The following MAML3 variants were observed in gnomAD, a reference collection of about 807,000 sequenced individuals.
MAML3 encodes mastermind-like protein 3.
MAML3 carries 27 observed loss-of-function variants against 101.9 expected under a neutral mutation model. The observed-to-expected ratio is 0.27, with a 90% CI of 0.20 to 0.37. The LOEUF is 0.37. MAML3 is among the 10% of genes least tolerant of loss of function. The probability of loss-of-function intolerance (pLI) is 1.00; values close to 1 mark genes in which losing one functional copy is unlikely to be tolerated. For missense variants in MAML3, 1,316 were observed against 1,444.9 expected (o/e 0.91, Z 1.45); for synonymous variants, 501 against 555.9 (o/e 0.90, Z 1.39).
chr4:140,145,856 C>T (rs1729051574), intron 1 of MAML3, among the ~76,000 whole-genome samples: 2 of 126,418 alleles, frequency 1.6e-5, no homozygotes, highest in South Asian at 5.4e-4. Flanking sequence ...AGCCACTGCG[C>T]CTGGCCTTTT....
chr4:139,936,743 T>C (rs559241731), intron 1 of MAML3, among the ~76,000 whole-genome samples: 7 of 152,232 alleles, frequency 4.6e-5, no homozygotes, highest in Admixed American at 2.0e-4. Context: ...ATACCTGAGA[T>C]ATCTTTGTTT....
intron 1 of MAML3, among the ~76,000 whole-genome samples, chr4:139,917,727 G>A (rs966873458): frequency 6.6e-6 from 1 of 152,198 alleles, no homozygotes; most frequent in African/African-American, 2.4e-5. Context: ...AGGCTAATGA[G>A]CTTCCTGTCC....
At chr4:139,752,238 G>A (rs10049940) in intron 2 of MAML3, among the ~76,000 whole-genome samples, 139,070 of 152,282 alleles carry the variant, frequency 0.91, 64,063 homozygotes, top group Non-Finnish European at 0.98. Context: ...AAAGCACCTT[G>A]CAGAACTATG....
intron 1 of MAML3, among the ~76,000 whole-genome samples, chr4:139,984,038 C>A (rs1734492027): frequency 6.6e-6 from 1 of 152,080 alleles, no homozygotes; most frequent in South Asian, 2.1e-4. Context: ...ACCCTGAGAT[C>A]TGAGTTGGTT....
chr4:139,911,793 G>A (rs1246846648), intron 1 of MAML3, among the ~76,000 whole-genome samples: 1 of 152,182 alleles, frequency 6.6e-6, no homozygotes, highest in Non-Finnish European at 1.5e-5. Flanking sequence ...CCAGGAAGCA[G>A]GCCCTCTCCA....
At chr4:139,796,735 C>T (rs1435316143) in intron 2 of MAML3, among the ~76,000 whole-genome samples, 1 of 152,176 alleles carries the variant, frequency 6.6e-6, no homozygotes, top group Non-Finnish European at 1.5e-5. Context: ...TTCTACCCCT[C>T]TACACCAGCA....
At chr4:140,057,438 A>G (rs1024393300) in intron 1 of MAML3, among the ~76,000 whole-genome samples, 1 of 152,194 alleles carries the variant, frequency 6.6e-6, no homozygotes, top group Non-Finnish European at 1.5e-5. Context: ...GGTCAGCAAA[A>G]GAATGTTCTA....
intron 1 of MAML3, among the ~76,000 whole-genome samples, chr4:140,053,601 C>T (rs1727304669): frequency 6.6e-6 from 1 of 152,102 alleles, no homozygotes; most frequent in Admixed American, 6.5e-5. Flanking sequence ...CATGCATGCA[C>T]ATATTTATTT....
At chr4:140,046,640 A>C (rs190615272) in intron 1 of MAML3, among the ~76,000 whole-genome samples, 153 of 152,326 alleles carry the variant, frequency 1.0e-3, no homozygotes, top group Non-Finnish European at 1.9e-3. Flanking sequence ...GCTGCAAGAC[A>C]GTTACATTAA....
At chr4:139,765,558 G>C (rs975796540) in intron 2 of MAML3, among the ~76,000 whole-genome samples, 3 of 152,228 alleles carry the variant, frequency 2.0e-5, no homozygotes, top group African/African-American at 7.2e-5. Flanking sequence ...TTTAAGGGTG[G>C]CCTTCTTCAT....
chr4:139,821,275 G>A (rs1000132131), intron 2 of MAML3, among the ~76,000 whole-genome samples: 9 of 152,188 alleles, frequency 5.9e-5, no homozygotes, highest in African/African-American at 2.2e-4. Context: ...TAGGAACCAG[G>A]TGGCACAGTA....
At chr4:140,066,671 T>C (rs1727542057) in intron 1 of MAML3, among the ~76,000 whole-genome samples, 1 of 152,192 alleles carries the variant, frequency 6.6e-6, no homozygotes, top group East Asian at 1.9e-4. Flanking sequence ...CTCTATTTCC[T>C]GCAAGGTCAC....
chr4:139,725,951 G>T, intron 3 of MAML3, 116 bp from the exon 4 acceptor site: 1 of 834,658 alleles, frequency 1.2e-6, no homozygotes. Flanking sequence ...ACTTTGTGTT[G>T]AAGAATCATA....
At chr4:140,080,060 G>T (rs181096509) in intron 1 of MAML3, among the ~76,000 whole-genome samples, 13 of 152,314 alleles carry the variant, frequency 8.5e-5, no homozygotes, top group Admixed American at 2.6e-4. Context: ...CTTGAATGAT[G>T]AATACGGAGT....
intron 2 of MAML3, among the ~76,000 whole-genome samples, chr4:139,811,040 G>A (rs1021701236): frequency 6.6e-6 from 1 of 152,236 alleles, no homozygotes; most frequent in African/African-American, 2.4e-5. Context: ...TAACAAGCAT[G>A]AGGATAAAAG....
intron 1 of MAML3, among the ~76,000 whole-genome samples, chr4:140,040,255 A>G (rs1383297162): frequency 6.6e-6 from 1 of 152,208 alleles, no homozygotes; most frequent in Admixed American, 6.5e-5. Context: ...AGCAGCTCCA[A>G]TCATCTGAAA....
intron 1 of MAML3, among the ~76,000 whole-genome samples, chr4:140,123,092 G>GTTTT (rs58567442): frequency 1.4e-5 from 2 of 138,216 alleles, no homozygotes; most frequent in African/African-American, 2.6e-5. Context: ...AAGCTCTGCG[G>GTTTT]TTTTTTTTTT....
intron 1 of MAML3, among the ~76,000 whole-genome samples, chr4:140,092,771 A>G (rs1160720876): frequency 6.6e-6 from 1 of 152,156 alleles, no homozygotes; most frequent in Non-Finnish European, 1.5e-5. Flanking sequence ...GTATTCTCCT[A>G]TCGCAGAGGC....
chr4:139,892,803 C>T (rs926599141), intron 1 of MAML3, among the ~76,000 whole-genome samples: 4 of 151,848 alleles, frequency 2.6e-5, no homozygotes, highest in Admixed American at 6.6e-5. Context: ...TGGTGGCGGG[C>T]GCCTTTAGTC....
Sources: allele counts gnomAD v4.1 joint callset (sites outside exome capture counted in the v4.1 genomes callset), GRCh38; gene constraint gnomAD v4.1.1; transcripts MANE v1.5; gene names NCBI Gene and HGNC (gene_info 2026-07-23, HGNC 2026-07-21).